The following GART variants were observed in gnomAD, a reference collection of about 807,000 sequenced individuals.
The protein encoded by GART is phosphoribosylglycinamide formyltransferase, phosphoribosylglycinamide synthetase, phosphoribosylaminoimidazole synthetase, also known as trifunctional purine biosynthetic protein adenosine-3.
GART carries 43 observed loss-of-function variants against 107.2 expected under a neutral mutation model. That is an observed-to-expected ratio of 0.40 (90% CI 0.31 to 0.52). The LOEUF (loss-of-function observed/expected upper bound fraction) is 0.52. Ranked by LOEUF, GART falls within the 20% of genes least tolerant of loss-of-function variation. The pLI, the probability that GART is intolerant of heterozygous loss-of-function variation, is 0.52. For synonymous variants in GART, 434 were observed against 427.0 expected (o/e 1.02, Z -0.20); for missense variants, 1,107 against 1,206.5 (o/e 0.92, Z 1.22).
chr21:33,531,569 A>ATTTT lies in GART; in HGVS notation c.529-16_529-13dup. 1.6e-5 allele frequency: 23 copies of ATTTT among 1,412,038 alleles called. No individual in the cohort carries two copies. Among genetic ancestry groups the ATTTT allele is most frequent in the Non-Finnish European group, 1.8e-5 (19 of 1,058,394 alleles). 87.5% of individuals were successfully genotyped at this position (1,412,038 alleles called of 1,614,324 possible). ...CCAAAGGCTTTCTCCTGATTGTAAGATTTTTTTTTTTTTTTTTTTTAAAAA... is the reference window on the plus strand; with the variant it reads ...CCAAAGGCTTTCTCCTGATTGTAAGATTTTTTTTTTTTTTTTTTTTTTTTAAAAA... On this transcript the variant is annotated splice_polypyrimidine_tract_variant and intron_variant, in intron 5 of 21. Coordinates refer to ENST00000381815, the MANE Select transcript of GART (RefSeq NM_000819.5).
At chr21:33,530,186 G>A (rs1380595975) in intron 7 of GART, among the ~76,000 whole-genome samples, 5 of 152,172 alleles carry the variant, frequency 3.3e-5, no homozygotes, top group African/African-American at 1.2e-4. Flanking sequence ...GCGAGACTCC[G>A]TCTCAAAAAA....
chr21:33,520,277 G>A (rs1287042353), intron 14 of GART, 87 bp downstream of exon 14: 2 of 1,099,488 alleles, frequency 1.8e-6, no homozygotes, highest in Non-Finnish European at 2.7e-6. Flanking sequence ...TCTCTTGCTA[G>A]CTACATTGGC....
At chr21:33,540,112 C>T (rs2085383095) in intron 1 of GART, among the ~76,000 whole-genome samples, 1 of 152,104 alleles carries the variant, frequency 6.6e-6, no homozygotes, top group African/African-American at 2.4e-5. Context: ...ACAAAAAGGG[C>T]CACATAGTTC....
chr21:33,538,300 C>T (rs965952617), intron 2 of GART, among the ~76,000 whole-genome samples: 1 of 143,874 alleles, frequency 7.0e-6, no homozygotes, highest in Non-Finnish European at 1.5e-5. Context: ...ATTAGAGTAA[C>T]AACTGTTAAA....
Position 33,505,992 on chromosome 21 carries a change from T to A in GART, c.2565A>T (p.Arg855Ser). ...AACTTACTCTAGTGGGAATACCAGCTCTTTCCGCTTTATCTAACCCAGCTA... is the reference window on the plus strand; with the variant it reads ...AACTTACTCTAGTGGGAATACCAGCACTTTCCGCTTTATCTAACCCAGCTA... ...AAVAGLDKAERAGIPTRVINH... is the reference protein window; with the variant it reads ...AAVAGLDKAESAGIPTRVINH... The change falls in exon 19 of 22, where the codon AGA becomes AGT. Residue 855 changes from arginine to serine, a missense_variant. Arg to Ser is a moderately radical substitution (Grantham distance 110). Transcript: ENST00000381815. The A allele has an allele frequency of 1.9e-6, 3 of 1,614,122 alleles. No individual in the cohort carries two copies. The highest frequency in any genetic ancestry group is 1.7e-6 in the Non-Finnish European group (2 of 1,180,016).
chr21:33,515,988 C>T (rs1009528769), intron 16 of GART, among the ~76,000 whole-genome samples: 2 of 152,090 alleles, frequency 1.3e-5, no homozygotes, highest in African/African-American at 4.8e-5. Flanking sequence ...TGGCTCATGC[C>T]TGTAATCCCA....
chr21:33,542,514 T>TA (rs970517177), upstream of GART: 507 of 146,288 alleles, frequency 3.5e-3, 1 homozygote, highest in African/African-American at 8.8e-3. Flanking sequence ...GGCCTATTGC[T>TA]AAAAAAAAAA....
chr21:33,530,790 CCT>C lies in GART; in HGVS notation c.690_691del (p.Gly232AsnfsTer12). The C allele has an allele frequency of 3.3e-6, 5 of 1,520,314 alleles. No homozygotes were observed. The highest frequency in any genetic ancestry group is 1.4e-5 in the African/African-American group (1 of 69,284). The allele number at this position is 1,520,314 out of a possible 1,614,324, so 94.2% of individuals were successfully genotyped here. On this transcript the variant is annotated frameshift_variant, in exon 7 of 22. Transcript: ENST00000381815. LOFTEE classifies it high-confidence loss of function. ...GGCTGGACAATAGGCTCCCATTCCC[CCT>C]GTGTTAGGGCCACCATCTCCCTCCA...
chr21:33,522,111 C>T, intron 12 of GART, 77 bp downstream of exon 12: 1 of 1,096,772 alleles, frequency 9.1e-7, no homozygotes, highest in Admixed American at 1.8e-5. Flanking sequence ...GGAAAATATT[C>T]CTGTTAAATA....
At position 33,517,470 on chromosome 21, in the gene GART, A is replaced by G. The variant is rs971886992; in HGVS notation, c.1841T>C (p.Ile614Thr). 9 of 1,614,100 alleles carry G rather than the reference A, an allele frequency of 5.6e-6. No homozygotes were observed. Among genetic ancestry groups the G allele is most frequent in the East Asian group, 2.2e-5 (1 of 44,890 alleles). Residue 614 changes from isoleucine (I) to threonine (T), a missense_variant, in exon 15 of 22, where the codon ATA (isoleucine) becomes ACA (threonine). Physicochemically the swap from Ile to Thr is moderately conservative, Grantham distance 89. Coordinates refer to ENST00000381815, the MANE Select transcript of GART (RefSeq NM_000819.5). ...ATTGCTATGAAGACCAGATGAAGCT[A>G]TTCCAACAACAACATCACCCTCAGT... Reference protein sequence around the residue: ...RITEGDVVVGIASSGLHSNGF... With the variant: ...RITEGDVVVGTASSGLHSNGF...
At chr21:33,524,579 A>G (rs2085033427) in intron 11 of GART, 190 bp downstream of exon 11, 1 of 1,222,534 alleles carries the variant, frequency 8.2e-7, no homozygotes, top group Admixed American at 5.8e-5. Context: ...AACTTACGCT[A>G]TCATGAAGTT....
At chr21:33,511,198 G>C in intron 17 of GART, 54 bp downstream of exon 17, 2 of 1,591,192 alleles carry the variant, frequency 1.3e-6, no homozygotes. Flanking sequence ...CTGAGGTATA[G>C]CTAAAATTAT....
Position 33,504,453 on chromosome 21 carries a change from T to C in GART, c.2800A>G (p.Thr934Ala). ...GTGCACCCAGTAACTGTGACTCCGG[T>C]TTCCAGGGCTTGCTCATGGGCATTT... ...GSNAHEQALE[T>A]GVTVTGCTVH... is the part of the protein sequence containing the mutation. Residue 934 changes from threonine to alanine, a missense_variant, in exon 21 of 22, where the codon ACC becomes GCC. Thr to Ala is a moderately conservative substitution (Grantham distance 58, BLOSUM62 0). Coordinates refer to ENST00000381815, the MANE Select transcript of GART (RefSeq NM_000819.5). The C allele has an allele frequency of 6.2e-7, 1 of 1,614,168 alleles. No individual in the cohort carries two copies. The highest frequency in any genetic ancestry group is 1.1e-5 in the South Asian group (1 of 91,088).
intron 19 of GART, 48 bp downstream of exon 19, chr21:33,505,926 C>G (rs181079710): frequency 5.6e-6 from 9 of 1,606,166 alleles, no homozygotes; most frequent in African/African-American, 2.7e-5. Flanking sequence ...GGGCAGATTA[C>G]GAGCTTAAAT....
rs961782688 is a variant in GART at position 33,508,620 on chromosome 21, C to T, written c.2452+1163G>A. ...GCAACCTCTGTCTCCAGGGTTCAAG[C>T]AATTCTCCTGTCTCAGCCTCCAGAG... On this transcript the variant is annotated intron_variant, in intron 18 of 21. Coordinates refer to ENST00000381815, the MANE Select transcript of GART (RefSeq NM_000819.5). Among the ~76,000 whole-genome samples, 9 of 149,416 alleles carry T rather than the reference C, an allele frequency of 6.0e-5. No individual in the cohort carries two copies. The East Asian group carries it at 1.8e-3, about 30-fold the overall frequency.
At chr21:33,505,152 A>G (rs1056380459) in intron 20 of GART, among the ~76,000 whole-genome samples, 7 of 152,164 alleles carry the variant, frequency 4.6e-5, no homozygotes, top group Admixed American at 1.3e-4. Flanking sequence ...GCAATGGTCT[A>G]TGCTTCCTAA....
intron 16 of GART, among the ~76,000 whole-genome samples, chr21:33,512,920 A>AT (rs937805611): frequency 1.4e-3 from 198 of 140,120 alleles, no homozygotes; most frequent in Non-Finnish European, 1.5e-3. Flanking sequence ...AGTTGATACA[A>AT]TTTTTTTTTT....
At chr21:33,541,191 C>A (rs1439730304) in intron 1 of GART, among the ~76,000 whole-genome samples, 2 of 152,222 alleles carry the variant, frequency 1.3e-5, no homozygotes, top group African/African-American at 2.4e-5. Context: ...GTCGCCCAGG[C>A]TGGAGGGCAG....
Position 33,506,052 on chromosome 21 carries a change from T to G in GART, c.2505A>C (p.Ala835=), listed in dbSNP as rs1902985927. ...TGTTGGAGATAACAATATCAATTTG[T>G]GCAGAGCTATTTGGTTCCCGAGTAC... is the stretch of plus-strand genomic sequence containing the variant. ...IDSTREPNSS[A]QIDIVISNKA... Residue 835 remains alanine, a synonymous_variant, in exon 19 of 22, where the codon GCA becomes GCC. Coordinates refer to ENST00000381815, the MANE Select transcript of GART (RefSeq NM_000819.5). 5.6e-6 allele frequency: 9 copies of G among 1,614,164 alleles called. No individual in the cohort carries two copies. The highest frequency in any genetic ancestry group is 6.8e-6 in the Non-Finnish European group (8 of 1,180,018).
Sources: gnomAD v4.1 joint callset for allele counts (sites outside exome capture counted in the v4.1 genomes callset) on GRCh38, gnomAD v4.1.1 for gene constraint, MANE v1.5 for transcripts, NCBI Gene and HGNC (gene_info 2026-07-23, HGNC 2026-07-21) for gene names.